TRIT1: variants seen among roughly 807,000 people sequenced by gnomAD.
TRIT1 encodes the protein tRNA isopentenyltransferase 1.
Under a neutral mutation model 51.2 loss-of-function variants are expected in TRIT1, and 43 were observed. That is an observed-to-expected ratio of 0.84 (90% CI 0.66 to 1.08). TRIT1 has a LOEUF of 1.08. TRIT1 is among the 50% of genes least tolerant of loss of function. The probability of loss-of-function intolerance (pLI) is 0.00; values close to 1 mark genes in which losing one functional copy is unlikely to be tolerated. For synonymous variants in TRIT1, 184 were observed against 203.9 expected (o/e 0.90, Z 0.83); for missense variants, 528 against 578.4 (o/e 0.91, Z 0.89).
At chr1:39,849,370 A>C (rs1344553762) in intron 5 of TRIT1, among the ~76,000 whole-genome samples, 2 of 152,126 alleles carry the variant, frequency 1.3e-5, no homozygotes, top group Non-Finnish European at 2.9e-5. Context: ...TCAGTGCTAC[A>C]CTCTACTGTT....
In TRIT1 at chr1:39,848,877, G is replaced by A. The variant is rs1209432187; in HGVS notation, c.704-780C>T. On this transcript the variant is annotated intron_variant, in intron 5 of 10. Coordinates refer to ENST00000316891, the MANE Select transcript of TRIT1 (RefSeq NM_017646.6). Reference sequence around the variant, plus strand: ...TTCTAAACTACTGAGCCAAGCAAAGGAGCAAAGAGTGAGAGGTCGTAATTG... The same window carrying A: ...TTCTAAACTACTGAGCCAAGCAAAGAAGCAAAGAGTGAGAGGTCGTAATTG... Among the ~76,000 whole-genome samples, 10 of 151,344 alleles carry A rather than the reference G, an allele frequency of 6.6e-5. No individual in the cohort carries two copies. The East Asian group carries it at 1.7e-3, about 26-fold the overall frequency.
intron 1 of TRIT1, among the ~76,000 whole-genome samples, chr1:39,867,308 G>A (rs2124652705): frequency 6.6e-6 from 1 of 152,224 alleles, no homozygotes; most frequent in South Asian, 2.1e-4. Context: ...ACCATGCCTG[G>A]CTAATTTTGT....
At chr1:39,871,257 T>C (rs1252447210) in intron 1 of TRIT1, among the ~76,000 whole-genome samples, 1 of 151,536 alleles carries the variant, frequency 6.6e-6, no homozygotes, top group Admixed American at 6.6e-5. Context: ...TACTCAGCAA[T>C]AAAGAGCATT....
At chr1:39,850,365 CT>C in intron 4 of TRIT1, 104 bp from the exon 5 acceptor site, 1 of 1,427,850 alleles carries the variant, frequency 7.0e-7, no homozygotes, top group Non-Finnish European at 9.4e-7. Context: ...TACAGAAAGC[CT>C]CTTTCTTGAA....
rs1405404959 is a variant in TRIT1, at chr1:39,844,756, C to T, written c.1007-116G>A. ...AGAGCCAAAGGAGTAAACATTCTGA[C>T]CATGCTGTTAATTCTAACTAAACAT... On this transcript the variant is annotated intron_variant, in intron 8 of 10. Transcript: ENST00000316891. The T allele has an allele frequency of 3.3e-5, 23 of 698,434 alleles. 1 individual carries two copies. The South Asian group carries it at 3.5e-4, about 11-fold the overall frequency. 43.3% of individuals were successfully genotyped at this position (698,434 alleles called of 1,614,324 possible).
chr1:39,880,173 C>T (rs1644207709), intron 1 of TRIT1, among the ~76,000 whole-genome samples: 1 of 10,770 alleles, frequency 9.3e-5, no homozygotes, highest in African/African-American at 4.4e-4. Context: ...TACTCCGTCT[C>T]AAAACAACAA....
chr1:39,850,292 A>G, intron 4 of TRIT1, 31 bp from the exon 5 acceptor site: 1 of 1,611,618 alleles, frequency 6.2e-7, no homozygotes, highest in African/African-American at 1.3e-5. Flanking sequence ...GGGAGGGGGC[A>G]CACCCATAAA....
chr1:39,849,610 C>T (rs1276418334), intron 5 of TRIT1, among the ~76,000 whole-genome samples: 2 of 152,238 alleles, frequency 1.3e-5, no homozygotes, highest in African/African-American at 2.4e-5. Flanking sequence ...GGCACTGTCT[C>T]TTCAACTCTG....
rs570262142 is a variant in TRIT1 at position 39,867,761 on chromosome 1, G to A, written c.175-10344C>T. Among the ~76,000 whole-genome samples, 7 of 152,276 alleles carry A rather than the reference G, an allele frequency of 4.6e-5. No individual in the cohort carries two copies. The East Asian group carries it at 1.3e-3, about 29-fold the overall frequency. Reference sequence around the variant, plus strand: ...GGCCATATAACTGGCTGGAAGCAGAGACAGGACTAATGCCAGGCTGCTCTG... The same window carrying A: ...GGCCATATAACTGGCTGGAAGCAGAAACAGGACTAATGCCAGGCTGCTCTG... On this transcript the variant is annotated intron_variant, in intron 1 of 10. Coordinates refer to ENST00000316891, the MANE Select transcript of TRIT1 (RefSeq NM_017646.6).
At chr1:39,875,730 T>A (rs1644030904) in intron 1 of TRIT1, among the ~76,000 whole-genome samples, 1 of 152,042 alleles carries the variant, frequency 6.6e-6, no homozygotes, top group Non-Finnish European at 1.5e-5. Context: ...CCCACTTTTC[T>A]GCTTGATAAA....
intron 1 of TRIT1, among the ~76,000 whole-genome samples, chr1:39,871,453 G>C (rs575357502): frequency 6.6e-6 from 1 of 152,012 alleles, no homozygotes; most frequent in Non-Finnish European, 1.5e-5. Flanking sequence ...GGTGGCACAG[G>C]CCTATAGTCC....
At chr1:39,883,236 T>C (rs376452899) in intron 1 of TRIT1, 82 bp downstream of exon 1, 4 of 1,462,158 alleles carry the variant, frequency 2.7e-6, no homozygotes, top group Non-Finnish European at 2.8e-6. Flanking sequence ...AGCCTCGGGG[T>C]TCACCCTTTA....
intron 1 of TRIT1, 31 bp downstream of exon 1, chr1:39,883,287 C>T: frequency 6.3e-7 from 1 of 1,583,116 alleles, no homozygotes; most frequent in Non-Finnish European, 8.6e-7. Context: ...TCCGGGGTCC[C>T]CAGGCGCCCG....
intron 1 of TRIT1, among the ~76,000 whole-genome samples, chr1:39,869,047 C>A (rs1048255682): frequency 6.6e-6 from 1 of 152,150 alleles, no homozygotes; most frequent in Non-Finnish European, 1.5e-5. Context: ...GCAACAAGAG[C>A]AAAACTCTGT....
At chr1:39,847,774 G>A (rs1642318485) in intron 6 of TRIT1, 114 bp from the exon 7 acceptor site, 3 of 1,561,360 alleles carry the variant, frequency 1.9e-6, no homozygotes, top group Admixed American at 3.7e-5. Flanking sequence ...TTGAGATCCT[G>A]AGCAGTTACT....
chr1:39,843,470 T>C (rs1204516890), intron 10 of TRIT1, among the ~76,000 whole-genome samples: 1 of 152,166 alleles, frequency 6.6e-6, no homozygotes, highest in Non-Finnish European at 1.5e-5. Context: ...CAGGCTCTAA[T>C]GCAGGGATAG....
intron 9 of TRIT1, 51 bp downstream of exon 9, chr1:39,844,480 T>A (rs1453558704): frequency 1.4e-6 from 2 of 1,438,064 alleles, no homozygotes; most frequent in Non-Finnish European, 2.0e-6. Context: ...TGTCAGCTAA[T>A]GAAAGTGCTC....
chr1:39,864,588 ACT>A (rs147423527), intron 1 of TRIT1, among the ~76,000 whole-genome samples: 1,469 of 127,238 alleles, frequency 0.012, 18 homozygotes, highest in African/African-American at 0.044. Flanking sequence ...ACAGAGCGAG[ACT>A]CTGTCTCAAA....
chr1:39,859,296 A>C (rs12759799), intron 1 of TRIT1, among the ~76,000 whole-genome samples: 37 of 122,132 alleles, frequency 3.0e-4, no homozygotes, highest in Non-Finnish European at 3.5e-4. Flanking sequence ...AAAAAAAAAA[A>C]CGAAAGAGGC....
Sources: allele counts gnomAD v4.1 joint callset (sites outside exome capture counted in the v4.1 genomes callset), GRCh38; gene constraint gnomAD v4.1.1; transcripts MANE v1.5; gene names NCBI Gene and HGNC (gene_info 2026-07-23, HGNC 2026-07-21).